The following PRKN variants were observed in gnomAD, a reference collection of about 807,000 sequenced individuals.
The protein encoded by PRKN is parkin RBR E3 ubiquitin protein ligase.
PRKN carries 56 observed loss-of-function variants against 59.5 expected under a neutral mutation model. The observed-to-expected ratio is 0.94, with a 90% CI of 0.76 to 1.18. The LOEUF (loss-of-function observed/expected upper bound fraction) is 1.18. Ranked by LOEUF, PRKN falls within the 50% of genes most tolerant of loss-of-function variation. The pLI is 0.00. For missense variants in PRKN, 657 were observed against 596.4 expected (o/e 1.10, Z -1.06); for synonymous variants, 250 against 222.1 (o/e 1.13, Z -1.12).
At chr6:161,632,575 A>G (rs1783356860) in intron 7 of PRKN, among the ~76,000 whole-genome samples, 1 of 152,236 alleles carries the variant, frequency 6.6e-6, no homozygotes. Context: ...TGAAAAATGT[A>G]TCTGTTTCTA....
chr6:162,287,035 T>C (rs1351156544), intron 2 of PRKN, among the ~76,000 whole-genome samples: 1 of 152,184 alleles, frequency 6.6e-6, no homozygotes, highest in Non-Finnish European at 1.5e-5. Context: ...AGGGTAGAAT[T>C]TGGAAGCACT....
In PRKN at chr6:162,113,326, G is replaced by T. The variant is rs117145554; in HGVS notation, c.535-59152C>A. ...AAGGATTATTCAACAAATTATGAAT[G>T]ATTCATTCATGGCAGATTTTTCATT... On this transcript the variant is annotated intron_variant, in intron 4 of 11. Transcript: ENST00000366898. Among the ~76,000 whole-genome samples, 1,054 of 152,280 alleles carry T rather than the reference G, an allele frequency of 6.9e-3. 9 individuals carry two copies. Among genetic ancestry groups the T allele is most frequent in the Middle Eastern group, 0.014 (4 of 294 alleles).
At chr6:161,902,798 CT>C (rs1476392252) in intron 6 of PRKN, among the ~76,000 whole-genome samples, 2 of 152,090 alleles carry the variant, frequency 1.3e-5, no homozygotes, top group African/African-American at 2.4e-5. Flanking sequence ...CTCAAGTGAT[CT>C]GCCCACCTCG....
At chr6:161,887,920 T>C (rs148502821) in intron 6 of PRKN, among the ~76,000 whole-genome samples, 1 of 152,370 alleles carries the variant, frequency 6.6e-6, no homozygotes, top group African/African-American at 2.4e-5. Flanking sequence ...ATATTTCCAC[T>C]GTTTTATGAA....
At chr6:161,764,962 A>C (rs762769372) in intron 7 of PRKN, among the ~76,000 whole-genome samples, 4 of 152,246 alleles carry the variant, frequency 2.6e-5, no homozygotes, top group Non-Finnish European at 5.9e-5. Context: ...TATGCCTCCT[A>C]CTACCACACC....
In PRKN at chr6:161,634,617, C is replaced by T. The variant is rs150969606; in HGVS notation, c.872-65201G>A. On this transcript the variant is annotated intron_variant, in intron 7 of 11. Coordinates refer to ENST00000366898, the MANE Select transcript of PRKN (RefSeq NM_004562.3). ...AGGAGAGCTGGGGATCACCTGGACA[C>T]GAGGATGGAAGTTGAGGTGGGCTCG... Among the ~76,000 whole-genome samples, 108 of 152,228 alleles carry T rather than the reference C, an allele frequency of 7.1e-4. 1 individual carries two copies. The highest frequency in any genetic ancestry group is 2.1e-3 in the African/African-American group (88 of 41,550).
chr6:162,019,222 C>T (rs1783041007), intron 5 of PRKN, among the ~76,000 whole-genome samples: 1 of 152,134 alleles, frequency 6.6e-6, no homozygotes, highest in Admixed American at 6.5e-5. Flanking sequence ...GCATTAAGTG[C>T]CAAGTCTCTC....
chr6:161,926,449 G>A (rs369768132), intron 6 of PRKN, among the ~76,000 whole-genome samples: 6 of 152,110 alleles, frequency 3.9e-5, no homozygotes, highest in Admixed American at 6.6e-5. Context: ...CTGGCTTGGC[G>A]CACACTGTCT....
Position 161,530,338 on chromosome 6 carries a change from G to A in PRKN, c.1083+18516C>T, listed in dbSNP as rs1484082905. Among the ~76,000 whole-genome samples, 1 of 152,114 alleles carries A rather than the reference G, an allele frequency of 6.6e-6. No homozygotes were observed. Among genetic ancestry groups the A allele is most frequent in the Non-Finnish European group, 1.5e-5 (1 of 68,006 alleles). Reference sequence around the variant, plus strand: ...GACCTGTCCCAGTGTCTAGGGAAATGCACCTTCTCCTGTGACATTGCATAT... The same window carrying A: ...GACCTGTCCCAGTGTCTAGGGAAATACACCTTCTCCTGTGACATTGCATAT... On this transcript the variant is annotated intron_variant, in intron 9 of 11. Coordinates refer to ENST00000366898, the MANE Select transcript of PRKN (RefSeq NM_004562.3). The surrounding 1 kb of genome is among the most constrained non-coding windows in gnomAD (Gnocchi z 5.0).
intron 1 of PRKN, among the ~76,000 whole-genome samples, chr6:162,614,738 G>C (rs1220736009): frequency 2.0e-5 from 3 of 152,102 alleles, no homozygotes; most frequent in Non-Finnish European, 4.4e-5. Flanking sequence ...TTCCAGATTT[G>C]TGAACTCTAA....
intron 1 of PRKN, among the ~76,000 whole-genome samples, chr6:162,658,193 G>A (rs1308067363): frequency 6.6e-6 from 1 of 152,010 alleles, no homozygotes; most frequent in Non-Finnish European, 1.5e-5. Flanking sequence ...ATATTCTACT[G>A]GTCTTAAAGA....
rs190767269 is a variant in PRKN, at chr6:161,467,727, A to G, written c.1084-80850T>C. Among the ~76,000 whole-genome samples, 35 of 152,226 alleles carry G rather than the reference A, an allele frequency of 2.3e-4. No homozygotes were observed. The highest frequency in any genetic ancestry group is 8.2e-4 in the African/African-American group (34 of 41,548). ...TCCTCTTCTTCCTCAGTAACAGAAC[A>G]CCAACTATGTGCCCAGCAAAATTCT... On this transcript the variant is annotated intron_variant, in intron 9 of 11. Coordinates refer to ENST00000366898, the MANE Select transcript of PRKN (RefSeq NM_004562.3). The surrounding 1 kb of genome is among the most constrained non-coding windows in gnomAD (Gnocchi z 4.3).
In PRKN at chr6:162,122,019, A is replaced by G. The variant is rs866539000; in HGVS notation, c.535-67845T>C. On this transcript the variant is annotated intron_variant, in intron 4 of 11. Transcript: ENST00000366898. ...GGAAAGAATGGGATTAGAAGGCTGA[A>G]AACAAATTGTTCTTACTGAATCCTC... Among the ~76,000 whole-genome samples the G allele has an allele frequency of 2.6e-5, 4 of 152,294 alleles. No individual in the cohort carries two copies. In the Middle Eastern group the frequency reaches 0.01, roughly 389 times the overall value.
intron 4 of PRKN, among the ~76,000 whole-genome samples, chr6:162,169,787 T>C (rs913110771): frequency 6.6e-6 from 1 of 152,240 alleles, no homozygotes; most frequent in African/African-American, 2.4e-5. Flanking sequence ...AGATTTCTAT[T>C]AATGAATCCT....
intron 7 of PRKN, among the ~76,000 whole-genome samples, chr6:161,760,074 TAA>T (rs35172919): frequency 0.53 from 76,579 of 145,198 alleles, 20,156 homozygotes; most frequent in East Asian, 0.54. Flanking sequence ...AGCTCGTTCT[TAA>T]AAAAAAAAAA....
chr6:161,456,397 G>T lies in PRKN; in HGVS notation c.1084-69520C>A, dbSNP rs1789971554. Among the ~76,000 whole-genome samples the T allele has an allele frequency of 6.6e-6, 1 of 152,164 alleles. No homozygotes were observed. The highest frequency in any genetic ancestry group is 2.4e-5 in the African/African-American group (1 of 41,446). On this transcript the variant is annotated intron_variant, in intron 9 of 11. Coordinates refer to ENST00000366898, the MANE Select transcript of PRKN (RefSeq NM_004562.3). The surrounding 1 kb of genome is among the most constrained non-coding windows in gnomAD (Gnocchi z 4.8). Reference sequence around the variant, plus strand: ...ACTCTTGGACCTACACCAGTGGTTTGCCAGGGGCTCTCAGGCCTTTGGCCA... The same window carrying T: ...ACTCTTGGACCTACACCAGTGGTTTTCCAGGGGCTCTCAGGCCTTTGGCCA...
chr6:162,611,666 T>G (rs986266975), intron 1 of PRKN, among the ~76,000 whole-genome samples: 1 of 152,268 alleles, frequency 6.6e-6, no homozygotes, highest in East Asian at 1.9e-4. Context: ...AATAATTTCA[T>G]GTGAGGTGTG....
At chr6:161,516,360 G>A (rs541145274) in intron 9 of PRKN, among the ~76,000 whole-genome samples, 20 of 151,170 alleles carry the variant, frequency 1.3e-4, no homozygotes, top group Admixed American at 7.3e-4. Flanking sequence ...CCAGCTACTC[G>A]GGAGGCTAAG....
intron 6 of PRKN, among the ~76,000 whole-genome samples, chr6:161,909,703 G>A (rs966399226): frequency 2.6e-5 from 4 of 152,092 alleles, no homozygotes; most frequent in Admixed American, 6.5e-5. Flanking sequence ...CTCCCTAAAA[G>A]CAGGTTTTAC....
Sources: allele counts gnomAD v4.1 joint callset (sites outside exome capture counted in the v4.1 genomes callset), GRCh38; gene constraint gnomAD v4.1.1; non-coding constraint Gnocchi (gnomAD v3.1); transcripts MANE v1.5; gene names NCBI Gene and HGNC (gene_info 2026-07-23, HGNC 2026-07-21).